The following CDC14A variants were observed in gnomAD, a reference collection of about 807,000 sequenced individuals.
CDC14A encodes the protein cell division cycle 14A.
In CDC14A, 53 loss-of-function variants were observed where a neutral mutation model predicts 74.4. The observed-to-expected ratio is 0.71, with a 90% CI of 0.57 to 0.89. CDC14A has a LOEUF of 0.89. CDC14A is among the 40% of genes least tolerant of loss of function. The pLI is 0.00. For missense variants in CDC14A, 646 were observed against 713.7 expected (o/e 0.91, Z 1.08); for synonymous variants, 247 against 258.4 (o/e 0.96, Z 0.43).
intron 14 of CDC14A, 116 bp downstream of exon 14, chr1:100,498,323 C>T: frequency 8.8e-7 from 1 of 1,136,136 alleles, no homozygotes; most frequent in Non-Finnish European, 1.3e-6. Context: ...GAGGAGAAAC[C>T]ACGGAAGACC....
At chr1:100,380,354 C>T (rs933266648) in intron 3 of CDC14A, among the ~76,000 whole-genome samples, 3 of 152,162 alleles carry the variant, frequency 2.0e-5, no homozygotes, top group African/African-American at 7.2e-5. Context: ...CTTCTTTCCA[C>T]CTTCAGTAGG....
At chr1:100,382,472 A>C (rs1275476596) in intron 3 of CDC14A, among the ~76,000 whole-genome samples, 1 of 149,598 alleles carries the variant, frequency 6.7e-6, no homozygotes, top group African/African-American at 2.5e-5. Context: ...TTCTGGGCTT[A>C]AGCTAGCTTC....
At chr1:100,348,725 T>C (rs1221663158), upstream of CDC14A, among the ~76,000 whole-genome samples, 2 of 152,200 alleles carry the variant, frequency 1.3e-5, no homozygotes, top group Non-Finnish European at 2.9e-5. Flanking sequence ...AGAGCTGTCA[T>C]GAGTAAGGGT....
intron 5 of CDC14A, among the ~76,000 whole-genome samples, chr1:100,432,875 T>A (rs2101104476): frequency 6.6e-6 from 1 of 152,298 alleles, no homozygotes; most frequent in East Asian, 1.9e-4. Context: ...AAGATTGTTC[T>A]ATATACTTTC....
At chr1:100,354,679 C>T (rs1651638746) in intron 2 of CDC14A, among the ~76,000 whole-genome samples, 1 of 152,184 alleles carries the variant, frequency 6.6e-6, no homozygotes, top group Non-Finnish European at 1.5e-5. Context: ...TGGTTATGTA[C>T]TTTTATGAAA....
rs780088877 is a variant in CDC14A, at chr1:100,462,813, A to C, written c.770A>C (p.Asp257Ala). The change falls in exon 9 of 16, where the codon GAC (aspartate) becomes GCC (alanine). Residue 257 changes from aspartate (D) to alanine (A), a missense_variant. By Grantham distance (126) the Asp-to-Ala change is moderately radical (BLOSUM62 -2). Transcript: ENST00000336454. ...LFFIDGSTPS[D>A]NIVRRFLNIC... is the part of the protein sequence containing the mutation. Reference sequence around the variant, plus strand: ...TTCATAGATGGCAGCACACCCAGTGACAACATCGTGCGAAGGTTCCTGAAC... The same window carrying C: ...TTCATAGATGGCAGCACACCCAGTGCCAACATCGTGCGAAGGTTCCTGAAC... 2 of 1,614,118 alleles carry C rather than the reference A, an allele frequency of 1.2e-6. No homozygotes were observed. The highest frequency in any genetic ancestry group is 1.7e-6 in the Non-Finnish European group (2 of 1,179,994).
At chr1:100,433,083 T>C (rs1049643679) in intron 5 of CDC14A, among the ~76,000 whole-genome samples, 4 of 151,980 alleles carry the variant, frequency 2.6e-5, no homozygotes, top group Admixed American at 6.6e-5. Flanking sequence ...TCTCCCTCTA[T>C]TGTCCAGGCT....
intron 7 of CDC14A, among the ~76,000 whole-genome samples, chr1:100,449,483 A>C (rs1347398942): frequency 3.3e-5 from 5 of 151,784 alleles, no homozygotes; most frequent in Non-Finnish European, 7.4e-5. Context: ...CCCTCCCCAT[A>C]CCCAAATCCA....
At chr1:100,418,990 G>A (rs1416004911) in intron 4 of CDC14A, among the ~76,000 whole-genome samples, 1 of 152,020 alleles carries the variant, frequency 6.6e-6, no homozygotes, top group African/African-American at 2.4e-5. Flanking sequence ...TTTGAGACCA[G>A]CCTGGCCAAC....
intron 4 of CDC14A, 23 bp from the exon 5 acceptor site, chr1:100,424,199 A>G: frequency 6.4e-7 from 1 of 1,558,720 alleles, no homozygotes; most frequent in South Asian, 1.1e-5. Context: ...GGTGTTCTAA[A>G]TGTTACTATT....
At chr1:100,496,510 T>C (rs1296544565) in intron 13 of CDC14A, among the ~76,000 whole-genome samples, 5 of 152,310 alleles carry the variant, frequency 3.3e-5, no homozygotes, top group South Asian at 4.1e-4. Flanking sequence ...TTTTGTTCTG[T>C]GGAAAAATGT....
intron 4 of CDC14A, among the ~76,000 whole-genome samples, chr1:100,404,876 G>A (rs1659752689): frequency 1.3e-5 from 2 of 152,208 alleles, no homozygotes; most frequent in African/African-American, 4.8e-5. Context: ...AAACTAAATA[G>A]TAGGACTGGG....
At chr1:100,431,492 A>G (rs1249787228) in intron 5 of CDC14A, among the ~76,000 whole-genome samples, 1 of 152,104 alleles carries the variant, frequency 6.6e-6, no homozygotes, top group East Asian at 1.9e-4. Context: ...GTTGAATGTT[A>G]TGAAAAGCTC....
At chr1:100,484,773 A>G (rs944552983) in intron 11 of CDC14A, 4 of 992,506 alleles carry the variant, frequency 4.0e-6, no homozygotes, top group Admixed American at 6.0e-5. Flanking sequence ...TAATGTGACA[A>G]TTGAGGAAAT....
At chr1:100,378,336 T>C (rs1399418139) in intron 3 of CDC14A, among the ~76,000 whole-genome samples, 1 of 152,166 alleles carries the variant, frequency 6.6e-6, no homozygotes, top group East Asian at 1.9e-4. Context: ...CTCCTTGTCT[T>C]CCAATTTCTA....
intron 2 of CDC14A, among the ~76,000 whole-genome samples, chr1:100,368,573 C>T (rs1029170327): frequency 1.3e-4 from 19 of 151,934 alleles, no homozygotes; most frequent in African/African-American, 3.4e-4. Context: ...AATTTGATGA[C>T]GAATTCTTTT....
chr1:100,367,542 A>G (rs1416744099), intron 2 of CDC14A, among the ~76,000 whole-genome samples: 1 of 152,126 alleles, frequency 6.6e-6, no homozygotes, highest in East Asian at 1.9e-4. Context: ...AACTATATGT[A>G]TAAGACTATA....
chr1:100,440,537 G>A lies in CDC14A; in HGVS notation c.456+539G>A, dbSNP rs572702160. On this transcript the variant is annotated intron_variant, in intron 6 of 15. Transcript: ENST00000336454. ...AACTAGAAGATTTCTGAGAGCTCTC[G>A]GAACATGTTTTAGAAACATAAATTC... 4.6e-5 allele frequency among the ~76,000 whole-genome samples: 7 copies of A among 152,110 alleles called. No individual in the cohort carries two copies. In the East Asian group the frequency reaches 1.2e-3, roughly 25 times the overall value.
chr1:100,376,614 T>A (rs1447409123), intron 2 of CDC14A, among the ~76,000 whole-genome samples: 4 of 152,144 alleles, frequency 2.6e-5, no homozygotes, highest in African/African-American at 9.7e-5. Context: ...TGACACTGGC[T>A]CTCAAGTGGA....
Sources: gnomAD v4.1 joint callset for allele counts (sites outside exome capture counted in the v4.1 genomes callset) on GRCh38, gnomAD v4.1.1 for gene constraint, MANE v1.5 for transcripts, NCBI Gene and HGNC (gene_info 2026-07-23, HGNC 2026-07-21) for gene names.